Variants in JAKMIP2 observed in about 807,000 individuals in gnomAD.
JAKMIP2 encodes the protein janus kinase and microtubule interacting protein 2.
In JAKMIP2, 25 loss-of-function variants were observed where a neutral mutation model predicts 115.0. The observed-to-expected ratio is 0.22, with a 90% CI of 0.16 to 0.30. JAKMIP2 has a LOEUF of 0.30. Among genes scored for constraint, JAKMIP2 ranks in the 10% least tolerant of loss-of-function variants. The pLI is 1.00. For synonymous variants in JAKMIP2, 334 were observed against 343.6 expected, an observed-to-expected ratio of 0.97 and a Z score of 0.31; for missense variants, 642 against 957.6, an observed-to-expected ratio of 0.67 and a Z score of 4.35.
chr5:147,599,746 G>T (rs182728737), intron 21 of JAKMIP2, among the ~76,000 whole-genome samples: 1 of 152,268 alleles, frequency 6.6e-6, no homozygotes, highest in Non-Finnish European at 1.5e-5. Context: ...TTTTACTTGT[G>T]AGGCAGTTTG....
intron 6 of JAKMIP2, 103 bp downstream of exon 6, chr5:147,644,747 A>C (rs1018441572): frequency 9.5e-7 from 1 of 1,057,770 alleles, no homozygotes; most frequent in Admixed American, 2.4e-5. Flanking sequence ...AAAAATCCAA[A>C]TAGCACTGTA....
intron 2 of JAKMIP2, among the ~76,000 whole-genome samples, chr5:147,668,492 C>T (rs1003497137): frequency 1.3e-5 from 2 of 152,184 alleles, no homozygotes; most frequent in Non-Finnish European, 2.9e-5. Context: ...TAAGTGAGTA[C>T]TGTAACGGTA....
At chr5:147,675,649 C>T (rs1469977514) in intron 1 of JAKMIP2, among the ~76,000 whole-genome samples, 4 of 152,110 alleles carry the variant, frequency 2.6e-5, no homozygotes, top group African/African-American at 4.8e-5. Context: ...TACCTGTTAG[C>T]CATAATTCAC....
At chr5:147,698,535 G>A (rs1436868307) in intron 1 of JAKMIP2, among the ~76,000 whole-genome samples, 1 of 152,192 alleles carries the variant, frequency 6.6e-6, no homozygotes, top group African/African-American at 2.4e-5. Flanking sequence ...ATCCCCATGT[G>A]TTGTGGGACG....
intron 21 of JAKMIP2, among the ~76,000 whole-genome samples, chr5:147,598,459 T>TCTATCTATCTAC (rs1755518933): frequency 7.5e-5 from 9 of 120,142 alleles, no homozygotes; most frequent in Admixed American, 6.3e-4. Context: ...TATCTATCTA[T>TCTATCTATCTAC]CATCTATCTA....
rs1212082863 is a variant in JAKMIP2 at position 147,712,692 on chromosome 5, G to T, written c.-148-40738C>A. 7.9e-5 allele frequency among the ~76,000 whole-genome samples: 12 copies of T among 152,186 alleles called. No individual in the cohort carries two copies. The South Asian group carries it at 2.5e-3, about 32-fold the overall frequency. ...AAACTAGGAATTGGATGTTTCACTT[G>T]GTTGCTCCCTCATCCATCTTAATTT... On this transcript the variant is annotated intron_variant, in intron 1 of 21. Coordinates refer to ENST00000616793, the MANE Select transcript of JAKMIP2 (RefSeq NM_001270941.2).
chr5:147,747,861 T>C (rs1422658764), intron 1 of JAKMIP2, among the ~76,000 whole-genome samples: 2 of 152,226 alleles, frequency 1.3e-5, no homozygotes, highest in Non-Finnish European at 2.9e-5. Flanking sequence ...GCATAAGCTA[T>C]CTACTTTGTC....
At chr5:147,633,185 T>G (rs1446653767) in intron 12 of JAKMIP2, among the ~76,000 whole-genome samples, 1 of 152,238 alleles carries the variant, frequency 6.6e-6, no homozygotes, top group Non-Finnish European at 1.5e-5. Flanking sequence ...GCTATCATCA[T>G]ACACAAAACT....
In JAKMIP2 at chr5:147,648,359, T is replaced by A. The variant is rs762727566; in HGVS notation, c.936+17A>T. 3.5e-5 allele frequency: 51 copies of A among 1,448,236 alleles called. No homozygotes were observed. In the Admixed American group the frequency reaches 8.5e-4, roughly 24 times the overall value. The allele number at this position is 1,448,236 out of a possible 1,614,324, so 89.7% of individuals were successfully genotyped here. A position where few individuals can be genotyped will look rare whatever the true frequency, so the allele number is the denominator to read the frequency against. On this transcript the variant is annotated intron_variant, in intron 5 of 21. Coordinates refer to ENST00000616793, the MANE Select transcript of JAKMIP2 (RefSeq NM_001270941.2). The stretch of plus-strand genomic sequence containing the variant: ...TGCTTAACAACAACATCAACAAAAA[T>A]TTTTAGTATATCTCACCAGTTCATT...
chr5:147,693,123 A>G (rs1355191324), intron 1 of JAKMIP2, among the ~76,000 whole-genome samples: 1 of 152,174 alleles, frequency 6.6e-6, no homozygotes. Context: ...TGATATTCAC[A>G]TATCATAAAA....
intron 1 of JAKMIP2, among the ~76,000 whole-genome samples, chr5:147,731,782 T>C (rs1294719250): frequency 6.6e-6 from 1 of 152,226 alleles, no homozygotes; most frequent in Non-Finnish European, 1.5e-5. Flanking sequence ...ATAGGTCACC[T>C]AGATTTCAAA....
chr5:147,678,072 T>G (rs1476972751), intron 1 of JAKMIP2, among the ~76,000 whole-genome samples: 8 of 152,298 alleles, frequency 5.3e-5, no homozygotes, highest in South Asian at 2.1e-4. Context: ...TGGTGCGAAC[T>G]TGGCTTACTG....
chr5:147,660,740 AC>A, intron 3 of JAKMIP2: 1 of 579,894 alleles, frequency 1.7e-6, no homozygotes, highest in Admixed American at 3.1e-5. Flanking sequence ...AATCTCTTAC[AC>A]TTTACAATTT....
At chr5:147,729,527 A>G (rs182859851) in intron 1 of JAKMIP2, among the ~76,000 whole-genome samples, 1 of 152,198 alleles carries the variant, frequency 6.6e-6, no homozygotes, top group Admixed American at 6.5e-5. Context: ...TAATCCCAGC[A>G]TTTTGGGAGG....
intron 12 of JAKMIP2, among the ~76,000 whole-genome samples, chr5:147,635,604 C>T (rs981036824): frequency 3.9e-5 from 6 of 152,162 alleles, no homozygotes; most frequent in Admixed American, 2.0e-4. Flanking sequence ...TCTTGTTGCC[C>T]GGGCTGGAGT....
chr5:147,634,992 T>C (rs1757543090), intron 12 of JAKMIP2, among the ~76,000 whole-genome samples: 1 of 152,218 alleles, frequency 6.6e-6, no homozygotes, highest in South Asian at 2.1e-4. Context: ...ATTCTGTTTT[T>C]GTCAAACATA....
chr5:147,615,930 T>C (rs1756555795), intron 19 of JAKMIP2, among the ~76,000 whole-genome samples: 1 of 151,756 alleles, frequency 6.6e-6, no homozygotes, highest in Admixed American at 6.6e-5. Context: ...GTGCCTGGGG[T>C]GACAAAAATG....
chr5:147,627,136 A>G (rs936687887), intron 16 of JAKMIP2, among the ~76,000 whole-genome samples: 2 of 152,130 alleles, frequency 1.3e-5, no homozygotes, highest in African/African-American at 4.8e-5. Context: ...TGGGCCTTAG[A>G]GTCTAGTGGT....
intron 2 of JAKMIP2, among the ~76,000 whole-genome samples, chr5:147,662,687 T>C (rs1296795190): frequency 6.6e-6 from 1 of 151,786 alleles, no homozygotes; most frequent in East Asian, 1.9e-4. Flanking sequence ...ATACACAGAG[T>C]AACCTAGAAA....
Sources: gnomAD v4.1 joint callset for allele counts (sites outside exome capture counted in the v4.1 genomes callset) on GRCh38, gnomAD v4.1.1 for gene constraint, MANE v1.5 for transcripts, NCBI Gene and HGNC (gene_info 2026-07-23, HGNC 2026-07-21) for gene names.